The following AKAP14 variants were observed in gnomAD, a reference collection of about 807,000 sequenced individuals.
AKAP14 encodes A-kinase anchoring protein 14.
Under a neutral mutation model 17.0 loss-of-function variants are expected in AKAP14, and 4 were observed. That is an observed-to-expected ratio of 0.23 (90% CI 0.12 to 0.54). The LOEUF (loss-of-function observed/expected upper bound fraction) is 0.54. AKAP14 is among the 20% of genes least tolerant of loss of function. AKAP14 has a pLI of 0.95. For synonymous variants in AKAP14, 42 were observed against 51.3 expected (o/e 0.82, Z 0.77); for missense variants, 129 against 150.9 (o/e 0.85, Z 0.76).
intron 2 of AKAP14, among the ~76,000 whole-genome samples, chrX:119,898,425 G>A (rs1018020099): frequency 1.8e-5 from 2 of 112,460 alleles, no homozygotes; most frequent in African/African-American, 6.5e-5. Context: ...ACTGATGGCC[G>A]TTGGAGCCAG....
In AKAP14 at chrX:119,915,004, C is replaced by A. The variant is rs1334298467; in HGVS notation, c.441+126C>A. 1.2e-5 allele frequency: 8 copies of A among 695,595 alleles called. No homozygotes were observed. In the African/African-American group the frequency reaches 1.7e-4, roughly 15 times the overall value. The allele number at this position is 695,595 out of a possible 1,213,427, so 57.3% of individuals were successfully genotyped here. A position where few individuals can be genotyped will look rare whatever the true frequency, so the allele number is the denominator to read the frequency against. The stretch of plus-strand genomic sequence containing the variant: ...ATACTTCTGTCCTCATCTTACTGGC[C>A]TATGCACGGCACTTGCCAAAACTGA... On this transcript the variant is annotated intron_variant, in intron 5 of 6. Coordinates refer to ENST00000371431, the MANE Select transcript of AKAP14 (RefSeq NM_178813.6).
At chrX:119,902,754 C>T (rs1024811181) in intron 2 of AKAP14, among the ~76,000 whole-genome samples, 16 of 110,889 alleles carry the variant, frequency 1.4e-4, no homozygotes, top group Admixed American at 3.9e-4. Flanking sequence ...TGCAATGGCG[C>T]GATCTTGGCT....
Position 119,915,011 on chromosome X carries a change from C to T in AKAP14, c.441+133C>T, listed in dbSNP as rs7876933. On this transcript the variant is annotated intron_variant, in intron 5 of 6. Coordinates refer to ENST00000371431, the MANE Select transcript of AKAP14 (RefSeq NM_178813.6). ...TGTCCTCATCTTACTGGCCTATGCA[C>T]GGCACTTGCCAAAACTGATCACTCC... The T allele has an allele frequency of 5.5e-3, 3,493 of 633,750 alleles. 75 individuals are homozygous for T. The African/African-American group carries it at 0.068, about 12-fold the overall frequency. The allele number at this position is 633,750 out of a possible 1,213,427, so 52.2% of individuals were successfully genotyped here. A position where few individuals can be genotyped will look rare whatever the true frequency, so the allele number is the denominator to read the frequency against.
chrX:119,896,808 TTTTTC>T (rs1173785590), intron 2 of AKAP14, among the ~76,000 whole-genome samples: 5 of 56,343 alleles, frequency 8.9e-5, no homozygotes, highest in African/African-American at 2.9e-4. Context: ...TTCTTTTCTT[TTTTTC>T]TTTTTTTTTT....
intron 4 of AKAP14, 133 bp downstream of exon 4, chrX:119,903,719 C>T: frequency 2.4e-5 from 26 of 1,072,595 alleles, no homozygotes; most frequent in Non-Finnish European, 3.1e-5. Flanking sequence ...AATAAGTAAA[C>T]ATCATCTCCA....
At chrX:119,913,919 C>T (rs1357532483) in intron 4 of AKAP14, among the ~76,000 whole-genome samples, 2 of 110,090 alleles carry the variant, frequency 1.8e-5, no homozygotes, top group Non-Finnish European at 3.8e-5. Context: ...GGGAGCTGAC[C>T]CTAGTTTGAC....
intron 2 of AKAP14, among the ~76,000 whole-genome samples, chrX:119,897,745 T>G (rs952097183): frequency 9.0e-6 from 1 of 111,428 alleles, no homozygotes; most frequent in Non-Finnish European, 1.9e-5. Flanking sequence ...CCTGTCTACC[T>G]CCAGCTGCAG....
At chrX:119,911,525 A>T (rs2056627310) in intron 4 of AKAP14, among the ~76,000 whole-genome samples, 2 of 110,883 alleles carry the variant, frequency 1.8e-5, no homozygotes, top group Non-Finnish European at 3.8e-5. Context: ...AAGAGGGATC[A>T]GAAAGACTTC....
intron 4 of AKAP14, among the ~76,000 whole-genome samples, chrX:119,906,933 A>G (rs2056601469): frequency 9.0e-6 from 1 of 111,666 alleles, no homozygotes; most frequent in African/African-American, 3.2e-5. Flanking sequence ...GTAAATTAGG[A>G]GTTGCCATTT....
At chrX:119,912,577 G>A (rs965384982) in intron 4 of AKAP14, among the ~76,000 whole-genome samples, 5 of 109,114 alleles carry the variant, frequency 4.6e-5, no homozygotes, top group African/African-American at 6.6e-5. Context: ...TGTAGCCCAG[G>A]CTGGAGTGCA....
Position 119,904,673 on chromosome X carries a change from A to T in AKAP14, c.261+1087A>T. ...GCCGAAGTGGGCAGATCACAAGGTC[A>T]GGAGTTCAAGTCCAGCCTGGCCAAT... On this transcript the variant is annotated intron_variant, in intron 4 of 6. Coordinates refer to ENST00000371431, the MANE Select transcript of AKAP14 (RefSeq NM_178813.6). Among the ~76,000 whole-genome samples the T allele has an allele frequency of 3.6e-5, 4 of 111,778 alleles. No homozygotes were observed. The Middle Eastern group carries it at 0.014, about 385-fold the overall frequency.
At chrX:119,900,636 G>A (rs1228305264) in intron 2 of AKAP14, among the ~76,000 whole-genome samples, 2 of 111,667 alleles carry the variant, frequency 1.8e-5, no homozygotes, top group African/African-American at 6.5e-5. Flanking sequence ...AGGCTCAAGT[G>A]ATCCTCCTAC....
intron 4 of AKAP14, among the ~76,000 whole-genome samples, chrX:119,913,010 G>A (rs965855895): frequency 1.5e-4 from 16 of 110,169 alleles, no homozygotes; most frequent in African/African-American, 5.3e-4. Flanking sequence ...GAAAGCGCCT[G>A]GGAGTGGTGG....
Position 119,903,402 on chromosome X carries a change from CTGTT to C in AKAP14, c.169+17_169+20del, listed in dbSNP as rs1166811199. The stretch of plus-strand genomic sequence containing the variant: ...GTTAAGATTGTGGAAGGTAGTGATC[CTGTT>C]TGTTTGGATGCCTAAATAATTGTCT... On this transcript the variant is annotated intron_variant, in intron 3 of 6. Coordinates refer to ENST00000371431, the MANE Select transcript of AKAP14 (RefSeq NM_178813.6). 8.3e-7 allele frequency: 1 copy of C among 1,211,033 alleles called. No homozygotes were observed. Among genetic ancestry groups the C allele is most frequent in the African/African-American group, 1.7e-5 (1 of 57,837 alleles).
At chrX:119,915,641 G>T (rs1291052370) in intron 5 of AKAP14, among the ~76,000 whole-genome samples, 1 of 111,940 alleles carries the variant, frequency 8.9e-6, no homozygotes, top group Non-Finnish European at 1.9e-5. Context: ...AAGTAGCTGG[G>T]ATTACAGTCG....
At chrX:119,916,542 C>T (rs1403504765) in intron 5 of AKAP14, among the ~76,000 whole-genome samples, 2 of 107,335 alleles carry the variant, frequency 1.9e-5, no homozygotes, top group Non-Finnish European at 3.9e-5. Context: ...CCCTGGCTGG[C>T]GGGCAGTGGC....
intron 3 of AKAP14, 40 bp downstream of exon 3, chrX:119,903,432 A>T: frequency 1.7e-6 from 2 of 1,211,029 alleles, no homozygotes; most frequent in Non-Finnish European, 2.2e-6. Flanking sequence ...ATAATTGTCT[A>T]TATAGTCTAA....
intron 2 of AKAP14, among the ~76,000 whole-genome samples, chrX:119,898,533 T>C: frequency 9.0e-6 from 1 of 111,133 alleles, no homozygotes; most frequent in East Asian, 2.8e-4. Flanking sequence ...GGCTCACACC[T>C]GTAATCCCAG....
chrX:119,897,441 G>C (rs1001344570), intron 2 of AKAP14, among the ~76,000 whole-genome samples: 1 of 111,819 alleles, frequency 8.9e-6, no homozygotes, highest in African/African-American at 3.2e-5. Flanking sequence ...TTATAGGTGT[G>C]AGCCACTGCG....
Sources: allele counts gnomAD v4.1 joint callset (sites outside exome capture counted in the v4.1 genomes callset), GRCh38; gene constraint gnomAD v4.1.1; transcripts MANE v1.5; gene names NCBI Gene and HGNC (gene_info 2026-07-23, HGNC 2026-07-21).